ITGB3: variants seen among roughly 807,000 people sequenced by gnomAD.
ITGB3 encodes the protein integrin beta-3.
In ITGB3, 48 loss-of-function variants were observed where a neutral mutation model predicts 85.8. The ratio of observed to expected loss-of-function variants is 0.56; its 90% confidence interval spans 0.44 to 0.71. The LOEUF (loss-of-function observed/expected upper bound fraction) is 0.71, where lower values mean the gene tolerates loss of function less well. ITGB3 is among the 30% of genes least tolerant of loss of function. The pLI is 0.00. For missense variants in ITGB3, 861 were observed against 1,019.1 expected, an observed-to-expected ratio of 0.84 and a Z score of 2.11; for synonymous variants, 363 against 395.6, an observed-to-expected ratio of 0.92 and a Z score of 0.98.
At position 47,292,309 on chromosome 17, in the gene ITGB3, C is replaced by A; in HGVS notation, c.1431C>A (p.Gly477=). 1 of 1,614,252 alleles carries A rather than the reference C, an allele frequency of 6.2e-7. No individual in the cohort carries two copies. The highest frequency in any genetic ancestry group is 8.5e-7 in the Non-Finnish European group (1 of 1,180,044). Residue 477 remains glycine (G), a synonymous_variant, in exon 10 of 15, where the codon GGC becomes GGA. Transcript: ENST00000559488. The stretch of plus-strand genomic sequence containing the variant: ...CTAATAGCCATCGCTGCAACAATGG[C>A]AATGGGACCTTTGAGTGTGGGGTAT... The part of the protein sequence containing the change: ...AEPNSHRCNN[G]NGTFECGVCR...
At chr17:47,308,398 C>T (rs1040654329) in intron 14 of ITGB3, among the ~76,000 whole-genome samples, 5 of 152,054 alleles carry the variant, frequency 3.3e-5, no homozygotes, top group Non-Finnish European at 7.4e-5. Context: ...AGTTTGTTCC[C>T]ATTTGATGTT....
intron 1 of ITGB3, among the ~76,000 whole-genome samples, chr17:47,264,329 C>T (rs1032989663): frequency 6.6e-6 from 1 of 152,196 alleles, no homozygotes; most frequent in Non-Finnish European, 1.5e-5. Flanking sequence ...TTTGTTCACA[C>T]CCTCATGCCC....
Position 47,310,388 on chromosome 17 carries a change from ATGTGTGTGTGTTG to A in ITGB3, c.*191_*203del. 1 of 686,528 alleles carries A rather than the reference ATGTGTGTGTGTTG, an allele frequency of 1.5e-6. No homozygotes were observed. Among genetic ancestry groups the A allele is most frequent in the Non-Finnish European group, 2.7e-6 (1 of 376,294 alleles). 42.5% of individuals were successfully genotyped at this position (686,528 alleles called of 1,614,324 possible). On this transcript the variant is annotated 3_prime_UTR_variant, in exon 15 of 15. Coordinates refer to ENST00000559488, the MANE Select transcript of ITGB3 (RefSeq NM_000212.3). ...TGTGTATGTGGGGGTCTGTGTGTTT[ATGTGTGTGTGTTG>A]TGTGTGGGAGTGTGTAATTTAAAAT...
intron 1 of ITGB3, among the ~76,000 whole-genome samples, chr17:47,271,017 A>G (rs1268327713): frequency 6.6e-6 from 1 of 152,242 alleles, no homozygotes; most frequent in Non-Finnish European, 1.5e-5. Flanking sequence ...GCCCCAGTGC[A>G]TATTTACTGA....
chr17:47,307,485 C>CCT lies in ITGB3; in HGVS notation c.2150_2151dup (p.Asp718LeufsTer10). On this transcript the variant is annotated frameshift_variant, in exon 14 of 15. Coordinates refer to ENST00000559488, the MANE Select transcript of ITGB3 (RefSeq NM_000212.3). LOFTEE classifies it high-confidence loss of function. ...CTTCCTCACAGAGTGTCCCAAGGGC[C>CCT]CTGACATCCTGGTGGTCCTGCTCTC... 1 of 1,614,042 alleles carries CCT rather than the reference C, an allele frequency of 6.2e-7. No individual in the cohort carries two copies. The highest frequency in any genetic ancestry group is 1.3e-5 in the African/African-American group (1 of 75,034).
intron 1 of ITGB3, among the ~76,000 whole-genome samples, chr17:47,273,018 G>A (rs1048308289): frequency 1.3e-5 from 2 of 152,034 alleles, no homozygotes; most frequent in Non-Finnish European, 2.9e-5. Flanking sequence ...CAAGTGATCC[G>A]CCTGCCTCGT....
intron 1 of ITGB3, among the ~76,000 whole-genome samples, chr17:47,254,726 C>A (rs752312556): frequency 7.2e-5 from 11 of 152,184 alleles, no homozygotes; most frequent in Non-Finnish European, 1.5e-4. Context: ...GGCATTCGGC[C>A]TCTTTGGTAC....
At chr17:47,291,763 G>A (rs1315997308) in intron 9 of ITGB3, among the ~76,000 whole-genome samples, 1 of 152,208 alleles carries the variant, frequency 6.6e-6, no homozygotes, top group Non-Finnish European at 1.5e-5. Context: ...ATTGTGTGGT[G>A]CAAAATAGTG....
intron 13 of ITGB3, among the ~76,000 whole-genome samples, chr17:47,306,828 C>T (rs769895728): frequency 2.4e-4 from 36 of 151,770 alleles, no homozygotes; most frequent in Non-Finnish European, 4.9e-4. Flanking sequence ...TACAGGTGCT[C>T]GCCACCATGC....
chr17:47,253,838 G>A lies in ITGB3; in HGVS notation c.-24G>A. On this transcript the variant is annotated 5_prime_UTR_variant, in exon 1 of 15. Coordinates refer to ENST00000559488, the MANE Select transcript of ITGB3 (RefSeq NM_000212.3). ...CGGCGGCGCCCACTGTGGGGCGGGCGGAGCGCCGCGGGAGGCGGACGAGAT... is the reference window on the plus strand; with the variant it reads ...CGGCGGCGCCCACTGTGGGGCGGGCAGAGCGCCGCGGGAGGCGGACGAGAT... The A allele has an allele frequency of 2.5e-6, 3 of 1,196,520 alleles. No homozygotes were observed. The highest frequency in any genetic ancestry group is 4.4e-5 in the Admixed American group (1 of 22,660). The allele number at this position is 1,196,520 out of a possible 1,614,324, so 74.1% of individuals were successfully genotyped here.
chr17:47,262,668 T>C (rs1365329454), intron 1 of ITGB3, among the ~76,000 whole-genome samples: 1 of 152,206 alleles, frequency 6.6e-6, no homozygotes, highest in Non-Finnish European at 1.5e-5. Flanking sequence ...TACAACTGGC[T>C]CAGTGGCATT....
rs2065156604 is a variant in ITGB3 at position 47,299,193 on chromosome 17, A to G, written c.1691-115A>G. On this transcript the variant is annotated intron_variant, in intron 10 of 14. Coordinates refer to ENST00000559488, the MANE Select transcript of ITGB3 (RefSeq NM_000212.3). This position sits in a 1 kb window ranked among gnomAD's most constrained non-coding sequence, Gnocchi z 5.1. ...TGGGTGGTGAGCCAATTCCCTGCCA[A>G]CCTGGAGGATCATTATCTGTGTGGT... 1.9e-6 allele frequency: 2 copies of G among 1,063,622 alleles called. No homozygotes were observed. Among genetic ancestry groups the G allele is most frequent in the Admixed American group, 3.8e-5 (2 of 52,662 alleles). The allele number at this position is 1,063,622 out of a possible 1,614,324, so 65.9% of individuals were successfully genotyped here.
At chr17:47,266,628 A>G (rs563599325) in intron 1 of ITGB3, among the ~76,000 whole-genome samples, 1 of 152,250 alleles carries the variant, frequency 6.6e-6, no homozygotes. Flanking sequence ...CCCAGGCTGG[A>G]GTGCAGTGGC....
chr17:47,274,655 G>A, intron 2 of ITGB3, 151 bp downstream of exon 2: 1 of 710,902 alleles, frequency 1.4e-6, no homozygotes, highest in Non-Finnish European at 2.5e-6. Context: ...ATTGATGCAT[G>A]GTGAGGAGCT....
chr17:47,255,013 C>T (rs766876107), intron 1 of ITGB3, among the ~76,000 whole-genome samples: 13 of 152,118 alleles, frequency 8.5e-5, no homozygotes, highest in Non-Finnish European at 1.6e-4. Context: ...GAGTCTTGCT[C>T]TGTCGCCCAG....
intron 10 of ITGB3, among the ~76,000 whole-genome samples, chr17:47,294,353 G>A (rs573698401): frequency 3.9e-5 from 6 of 152,378 alleles, no homozygotes; most frequent in African/African-American, 7.2e-5. Flanking sequence ...GCTGGACCAC[G>A]GGGGCACCCC....
At position 47,311,732 on chromosome 17, in the gene ITGB3, T is replaced by C. The variant is rs2065215716; in HGVS notation, c.*1528T>C. ...TTGTCCCAGAAAAGCAGTGGCTCCA[T>C]TGGTGTTGACATACATCCAACATTA... On this transcript the variant is annotated 3_prime_UTR_variant, in exon 15 of 15. Transcript: ENST00000559488. 6.6e-6 allele frequency: 1 copy of C among 152,184 alleles called. No homozygotes were observed. Among genetic ancestry groups the C allele is most frequent in the South Asian group, 2.1e-4 (1 of 4,826 alleles). 9.4% of individuals were successfully genotyped at this position (152,184 alleles called of 1,614,324 possible). A position where few individuals can be genotyped will look rare whatever the true frequency, so the allele number is the denominator to read the frequency against.
intron 2 of ITGB3, 149 bp downstream of exon 2, chr17:47,274,653 A>C (rs572089339): frequency 2.8e-6 from 2 of 715,158 alleles, no homozygotes; most frequent in Non-Finnish European, 5.0e-6. Context: ...CCATTGATGC[A>C]TGGTGAGGAG....
chr17:47,296,332 CA>C (rs1389088399), intron 10 of ITGB3, among the ~76,000 whole-genome samples: 1 of 152,220 alleles, frequency 6.6e-6, no homozygotes, highest in East Asian at 1.9e-4. Flanking sequence ...CTCCTGGGCT[CA>C]AGTGATCCTT....
Sources: allele counts gnomAD v4.1 joint callset (sites outside exome capture counted in the v4.1 genomes callset), GRCh38; gene constraint gnomAD v4.1.1; non-coding constraint Gnocchi (gnomAD v3.1); transcripts MANE v1.5; gene names NCBI Gene and HGNC (gene_info 2026-07-23, HGNC 2026-07-21).